The following CREB5 variants were observed in gnomAD, a reference collection of about 807,000 sequenced individuals.
CREB5 encodes the protein cAMP responsive element binding protein 5, also known as cyclic AMP-responsive element-binding protein 5.
CREB5 carries 19 observed loss-of-function variants against 57.1 expected under a neutral mutation model. The observed-to-expected ratio is 0.33, with a 90% CI of 0.23 to 0.49. The LOEUF is 0.49. CREB5 is among the 20% of genes least tolerant of loss of function. The pLI is 0.99. For synonymous variants in CREB5, 238 were observed against 238.3 expected, an observed-to-expected ratio of 1.00 and a Z score of 0.01; for missense variants, 579 against 671.6, an observed-to-expected ratio of 0.86 and a Z score of 1.52.
intron 5 of CREB5, among the ~76,000 whole-genome samples, chr7:28,669,871 AG>A (rs753069615): frequency 1.3e-5 from 2 of 152,204 alleles, no homozygotes; most frequent in Admixed American, 6.5e-5. Flanking sequence ...CTCAGCTCAA[AG>A]CCAAGGGCTG....
At chr7:28,621,084 A>G (rs2128685483) in intron 5 of CREB5, among the ~76,000 whole-genome samples, 1 of 151,570 alleles carries the variant, frequency 6.6e-6, no homozygotes, top group East Asian at 2.0e-4. Flanking sequence ...ATCAGAACCA[A>G]GTGGCCTTGG....
intron 5 of CREB5, among the ~76,000 whole-genome samples, chr7:28,715,633 A>G (rs6946478): frequency 0.44 from 66,206 of 151,946 alleles, 14,770 homozygotes; most frequent in Middle Eastern, 0.51. Context: ...CCTAGTGATG[A>G]GTAGGCACAG....
At chr7:28,669,460 G>A (rs567726177) in intron 5 of CREB5, among the ~76,000 whole-genome samples, 6 of 152,328 alleles carry the variant, frequency 3.9e-5, no homozygotes, top group South Asian at 2.1e-4. Context: ...TAAGTTAATA[G>A]TACTGTACCA....
chr7:28,579,959 G>A (rs917214657), intron 5 of CREB5, among the ~76,000 whole-genome samples: 1 of 152,038 alleles, frequency 6.6e-6, no homozygotes, highest in Non-Finnish European at 1.5e-5. Context: ...TGCTCAAATT[G>A]CATATTTAAA....
chr7:28,694,111 A>G (rs112374446), intron 5 of CREB5, among the ~76,000 whole-genome samples: 49 of 152,298 alleles, frequency 3.2e-4, no homozygotes, highest in African/African-American at 1.1e-3. Context: ...TTTAGATGGC[A>G]TAGAGTAACT....
intron 5 of CREB5, among the ~76,000 whole-genome samples, chr7:28,627,481 A>G (rs1798044926): frequency 6.6e-6 from 1 of 151,948 alleles, no homozygotes; most frequent in Non-Finnish European, 1.5e-5. Flanking sequence ...TATTTTTTTT[A>G]CATGAGGTCA....
chr7:28,560,947 T>TGTGTGCGCGTGTGCGTGCGTGCGC (rs1795206937), intron 4 of CREB5, among the ~76,000 whole-genome samples: 1 of 21,186 alleles, frequency 4.7e-5, no homozygotes, highest in Non-Finnish European at 9.6e-5. Context: ...CGTGCGTGTG[T>TGTGTGCGCGTGTGCGTGCGTGCGC]GTGCGTGTGT....
chr7:28,442,767 ACT>A (rs1789252634), intron 1 of CREB5, among the ~76,000 whole-genome samples: 1 of 152,026 alleles, frequency 6.6e-6, no homozygotes. Flanking sequence ...TAATGTTGTG[ACT>A]CAATATCAGA....
intron 7 of CREB5, among the ~76,000 whole-genome samples, chr7:28,795,055 G>A (rs1807947865): frequency 6.6e-6 from 1 of 152,128 alleles, no homozygotes; most frequent in Admixed American, 6.5e-5. Context: ...TCACATCATG[G>A]CCCTGCGGAG....
chr7:28,818,737 A>G (rs1184796012), intron 10 of CREB5: 1 of 462,460 alleles, frequency 2.2e-6, no homozygotes, highest in Admixed American at 2.3e-5. Flanking sequence ...CTGAAGGTCA[A>G]TTTATTTTCA....
intron 7 of CREB5, among the ~76,000 whole-genome samples, chr7:28,731,019 C>A (rs369324847): frequency 6.6e-6 from 1 of 152,210 alleles, no homozygotes; most frequent in African/African-American, 2.4e-5. Flanking sequence ...ACTCTCTAGA[C>A]CTCATCAACT....
At chr7:28,338,934 T>C (rs1182863423) in intron 1 of CREB5, among the ~76,000 whole-genome samples, 2 of 152,050 alleles carry the variant, frequency 1.3e-5, no homozygotes, top group Non-Finnish European at 2.9e-5. Context: ...AGTTTGTCAA[T>C]TGCATTTTTC....
intron 7 of CREB5, among the ~76,000 whole-genome samples, chr7:28,796,611 C>G (rs1264469860): frequency 6.6e-6 from 1 of 152,194 alleles, no homozygotes; most frequent in East Asian, 1.9e-4. Context: ...GCTTTAAAAC[C>G]AAGACTTCTC....
intron 5 of CREB5, among the ~76,000 whole-genome samples, chr7:28,656,954 C>T (rs1292747161): frequency 2.0e-5 from 3 of 152,018 alleles, no homozygotes; most frequent in African/African-American, 4.8e-5. Flanking sequence ...ACAGCCAACT[C>T]ACAGGACAAT....
intron 4 of CREB5, among the ~76,000 whole-genome samples, chr7:28,540,141 G>C (rs192935824): frequency 1.3e-5 from 2 of 152,052 alleles, no homozygotes; most frequent in Non-Finnish European, 2.9e-5. Flanking sequence ...TTATAATATC[G>C]ACCACCTGGT....
At chr7:28,495,613 A>C (rs1206675414) in intron 3 of CREB5, among the ~76,000 whole-genome samples, 1 of 152,138 alleles carries the variant, frequency 6.6e-6, no homozygotes, top group Non-Finnish European at 1.5e-5. Context: ...TGCACGCTGC[A>C]CTGTTCTGTG....
chr7:28,417,077 C>A (rs1788058418), intron 1 of CREB5, among the ~76,000 whole-genome samples: 1 of 152,172 alleles, frequency 6.6e-6, no homozygotes, highest in East Asian at 1.9e-4. Context: ...TCCCAGAGAG[C>A]TGCCTTGAGC....
intron 5 of CREB5, among the ~76,000 whole-genome samples, chr7:28,647,092 C>T (rs548426133): frequency 1.4e-4 from 22 of 151,816 alleles, no homozygotes; most frequent in Non-Finnish European, 2.1e-4. Flanking sequence ...TTGGACTCCC[C>T]GAATTAGCCA....
At chr7:28,436,397 C>T (rs1465429847) in intron 1 of CREB5, among the ~76,000 whole-genome samples, 1 of 152,146 alleles carries the variant, frequency 6.6e-6, no homozygotes, top group African/African-American at 2.4e-5. Flanking sequence ...GTGTTGTTCC[C>T]TCCCCCGACC....
Sources: gnomAD v4.1 joint callset for allele counts (sites outside exome capture counted in the v4.1 genomes callset) on GRCh38, gnomAD v4.1.1 for gene constraint, MANE v1.5 for transcripts, NCBI Gene and HGNC (gene_info 2026-07-23, HGNC 2026-07-21) for gene names.